TENM4: variants seen among roughly 807,000 people sequenced by gnomAD.
The protein encoded by TENM4 is teneurin-4.
TENM4 carries 82 observed loss-of-function variants against 243.3 expected under a neutral mutation model. That is an observed-to-expected ratio of 0.34 (90% CI 0.28 to 0.40). The LOEUF is 0.40. Ranked by LOEUF, TENM4 falls within the 10% of genes least tolerant of loss-of-function variation. TENM4 has a pLI of 1.00. For synonymous variants in TENM4, 1,412 were observed against 1,456.3 expected (o/e 0.97, Z 0.69); for missense variants, 3,138 against 3,673.3 (o/e 0.85, Z 3.77).
At chr11:79,216,447 G>C (rs569484764) in intron 2 of TENM4, among the ~76,000 whole-genome samples, 1 of 152,320 alleles carries the variant, frequency 6.6e-6, no homozygotes, top group East Asian at 1.9e-4. Context: ...TAAGTCACTG[G>C]CCTTCTCTAA....
intron 2 of TENM4, among the ~76,000 whole-genome samples, chr11:79,238,224 C>T (rs1033313377): frequency 5.3e-5 from 8 of 152,120 alleles, no homozygotes; most frequent in Non-Finnish European, 1.0e-4. Context: ...GACTTGGGGA[C>T]TCAGGGGGAT....
At chr11:79,292,585 G>T (rs547904834) in intron 2 of TENM4, among the ~76,000 whole-genome samples, 162 of 152,318 alleles carry the variant, frequency 1.1e-3, no homozygotes, top group Non-Finnish European at 1.9e-3. Flanking sequence ...GATTTGAATG[G>T]TAGCTTCCCA....
intron 2 of TENM4, among the ~76,000 whole-genome samples, chr11:79,246,835 T>A (rs1855524822): frequency 6.6e-6 from 1 of 151,326 alleles, no homozygotes; most frequent in Non-Finnish European, 1.5e-5. Context: ...AGAGGGTTGT[T>A]TCTTGGGAGG....
Position 78,722,826 on chromosome 11 carries a change from G to A in TENM4, c.3642C>T (p.Ser1214=), listed in dbSNP as rs774717758. ...GGCCGTTGCAGCTGGGGCAGGAGAT[G>A]CTTCTCCGGCGCCCATTGCCCATGA... ...GSIMGNGRRR[S]ISCPSCNGLA... is the part of the protein sequence containing the mutation. Residue 1214 remains serine (S), a synonymous_variant, in exon 24 of 34, where the codon AGC becomes AGT. Coordinates refer to ENST00000278550, the MANE Select transcript of TENM4 (RefSeq NM_001098816.3). 1 of 1,614,052 alleles carries A rather than the reference G, an allele frequency of 6.2e-7. No individual in the cohort carries two copies.
chr11:79,040,800 G>A (rs574151780), intron 6 of TENM4, among the ~76,000 whole-genome samples: 15 of 152,210 alleles, frequency 9.9e-5, no homozygotes, highest in Admixed American at 2.0e-4. Context: ...AACCCACTGT[G>A]GGTATAAACT....
chr11:78,701,267 A>G (rs1859094495), intron 28 of TENM4, among the ~76,000 whole-genome samples: 1 of 152,192 alleles, frequency 6.6e-6, no homozygotes, highest in South Asian at 2.1e-4. Context: ...AGATGTGGAA[A>G]CTGAGGCCAA....
intron 6 of TENM4, among the ~76,000 whole-genome samples, chr11:79,033,070 T>G (rs1345925306): frequency 6.6e-6 from 1 of 152,034 alleles, no homozygotes; most frequent in Non-Finnish European, 1.5e-5. Context: ...GCATCTACCC[T>G]CTAAGGCATT....
chr11:79,336,592 C>T (rs1425984793), intron 1 of TENM4, among the ~76,000 whole-genome samples: 1 of 152,212 alleles, frequency 6.6e-6, no homozygotes, highest in Non-Finnish European at 1.5e-5. Context: ...TGCTTTCTAT[C>T]ACTTTGGGCA....
chr11:79,362,394 C>T (rs549345947), intron 1 of TENM4, among the ~76,000 whole-genome samples: 31 of 152,306 alleles, frequency 2.0e-4, no homozygotes, highest in African/African-American at 7.5e-4. Flanking sequence ...AAATAGGATG[C>T]TCTAATCAGT....
At chr11:79,294,624 A>C (rs1234731132) in intron 2 of TENM4, among the ~76,000 whole-genome samples, 1 of 152,098 alleles carries the variant, frequency 6.6e-6, no homozygotes, top group Non-Finnish European at 1.5e-5. Context: ...TGAGGTGGGC[A>C]AATCATCTGA....
intron 2 of TENM4, among the ~76,000 whole-genome samples, chr11:79,250,579 T>G (rs2135302546): frequency 6.6e-6 from 1 of 152,354 alleles, no homozygotes; most frequent in East Asian, 1.9e-4. Flanking sequence ...CTGCTGTAAC[T>G]TTTGCTATTC....
intron 1 of TENM4, among the ~76,000 whole-genome samples, chr11:79,314,731 A>T (rs752174605): frequency 2.1e-4 from 32 of 152,196 alleles, no homozygotes; most frequent in Non-Finnish European, 4.6e-4. Flanking sequence ...GGGGTAGAAA[A>T]GGGGAGTAAG....
chr11:79,090,302 A>C (rs1020341441), intron 4 of TENM4, among the ~76,000 whole-genome samples: 1 of 152,264 alleles, frequency 6.6e-6, no homozygotes, highest in African/African-American at 2.4e-5. Context: ...AAATATAACA[A>C]CAGGCAGTTG....
intron 25 of TENM4, among the ~76,000 whole-genome samples, chr11:78,715,808 C>A (rs1446435895): frequency 6.6e-6 from 1 of 152,198 alleles, no homozygotes; most frequent in African/African-American, 2.4e-5. Context: ...GTTTGCAGAG[C>A]TCTCTGAACA....
rs1446487326 is a variant in TENM4, at chr11:78,778,594, G to A, written c.2392+8C>T. The A allele has an allele frequency of 3.1e-6, 5 of 1,611,442 alleles. No individual in the cohort carries two copies. The highest frequency in any genetic ancestry group is 4.2e-6 in the Non-Finnish European group (5 of 1,178,774). ...GACAACAGGAAAATAGAGGAAGGAA[G>A]ACCATACCTTTAACTACCCTATCCA... On this transcript the variant is annotated splice_region_variant and intron_variant, in intron 17 of 33. Transcript: ENST00000278550.
chr11:79,247,865 G>A (rs965745292), intron 2 of TENM4, among the ~76,000 whole-genome samples: 3 of 152,220 alleles, frequency 2.0e-5, no homozygotes, highest in Non-Finnish European at 4.4e-5. Context: ...AGAGTTATAT[G>A]TTCTTTCCTC....
chr11:79,399,400 G>A (rs56330514), intron 1 of TENM4, among the ~76,000 whole-genome samples: 1,806 of 152,316 alleles, frequency 0.012, 34 homozygotes, highest in African/African-American at 0.042. Flanking sequence ...GGCAGAGAAA[G>A]ATTGTGGTCC....
chr11:79,439,821 A>T (rs1320111375), intron 1 of TENM4, among the ~76,000 whole-genome samples: 1 of 152,296 alleles, frequency 6.6e-6, no homozygotes, highest in South Asian at 2.1e-4. Flanking sequence ...TGGGGGTGAG[A>T]GTAGTCATAC....
chr11:79,081,821 C>T (rs1860682923), intron 4 of TENM4, among the ~76,000 whole-genome samples: 1 of 152,064 alleles, frequency 6.6e-6, no homozygotes, highest in Admixed American at 6.5e-5. Flanking sequence ...CTTATATTTC[C>T]TCCTCAGTTA....
Sources: allele counts gnomAD v4.1 joint callset (sites outside exome capture counted in the v4.1 genomes callset), GRCh38; gene constraint gnomAD v4.1.1; transcripts MANE v1.5; gene names NCBI Gene and HGNC (gene_info 2026-07-23, HGNC 2026-07-21).